PSD3: variants seen among roughly 807,000 people sequenced by gnomAD.
PSD3 encodes pleckstrin and Sec7 domain containing 3, also known as PH and SEC7 domain-containing protein 3.
In PSD3, 49 loss-of-function variants were observed where a neutral mutation model predicts 105.5. The ratio of observed to expected loss-of-function variants is 0.46; its 90% CI spans 0.37 to 0.59. The LOEUF is 0.59. Ranked by LOEUF, PSD3 falls within the 20% of genes least tolerant of loss-of-function variation. The pLI is 0.00. For synonymous variants in PSD3, 557 were observed against 457.8 expected (o/e 1.22, Z -2.77); for missense variants, 1,561 against 1,263.8 (o/e 1.24, Z -3.57).
chr8:18,984,778 C>T (rs890047226), intron 1 of PSD3, among the ~76,000 whole-genome samples: 4 of 152,152 alleles, frequency 2.6e-5, no homozygotes, highest in South Asian at 2.1e-4. Flanking sequence ...ATACTTCTGC[C>T]AACCTGACTG....
intron 2 of PSD3, among the ~76,000 whole-genome samples, chr8:18,920,146 T>C (rs1024047034): frequency 6.6e-6 from 1 of 151,550 alleles, no homozygotes; most frequent in Non-Finnish European, 1.5e-5. Flanking sequence ...TACAGGACAA[T>C]CTAATGTGCC....
At chr8:19,038,822 G>A (rs1177470748) in intron 1 of PSD3, among the ~76,000 whole-genome samples, 1 of 152,072 alleles carries the variant, frequency 6.6e-6, no homozygotes, top group Non-Finnish European at 1.5e-5. Context: ...TTAGACACTG[G>A]GCTAAGCAAT....
chr8:18,712,460 T>C (rs1802313892), intron 9 of PSD3, among the ~76,000 whole-genome samples: 2 of 152,000 alleles, frequency 1.3e-5, no homozygotes, highest in East Asian at 1.9e-4. Context: ...CCCACAGAAA[T>C]ATAAACAACC....
At chr8:18,737,892 C>T (rs150823523) in intron 9 of PSD3, among the ~76,000 whole-genome samples, 1 of 152,086 alleles carries the variant, frequency 6.6e-6, no homozygotes, top group Admixed American at 6.5e-5. Flanking sequence ...TGCAAGTATG[C>T]CCTTGCACAG....
intron 1 of PSD3, among the ~76,000 whole-genome samples, chr8:18,962,542 G>A (rs1362224789): frequency 6.6e-6 from 1 of 152,146 alleles, no homozygotes. Flanking sequence ...CAGCTCCAGT[G>A]AAATGCCTTT....
rs147900524 is a variant in PSD3 at position 18,571,566 on chromosome 8, T to C, written c.2784+962A>G. 5.5e-4 allele frequency among the ~76,000 whole-genome samples: 84 copies of C among 152,344 alleles called. 1 individual carries two copies. The highest frequency in any genetic ancestry group is 2.2e-3 in the Admixed American group (34 of 15,294). On this transcript the variant is annotated intron_variant, in intron 14 of 15. Transcript: ENST00000327040. ...TTTTACAATGACTTCCTTATTTATA[T>C]TTGCCACACCTTCAGCAGAGGATCT... is the stretch of plus-strand genomic sequence containing the variant.
intron 9 of PSD3, among the ~76,000 whole-genome samples, chr8:18,669,242 A>G (rs1314180518): frequency 6.6e-6 from 1 of 152,182 alleles, no homozygotes; most frequent in African/African-American, 2.4e-5. Flanking sequence ...ACTTTTTCTG[A>G]TACAGTAGTC....
chr8:18,892,071 G>A (rs17127411), intron 2 of PSD3, among the ~76,000 whole-genome samples: 2,313 of 152,084 alleles, frequency 0.015, 57 homozygotes, highest in East Asian at 0.096. Flanking sequence ...AAGAAGAGCC[G>A]AAGAGAACAA....
rs1004870793 is a variant in PSD3 at position 18,718,886 on chromosome 8, G to C, written c.2172+46563C>G. On this transcript the variant is annotated intron_variant, in intron 9 of 15. Coordinates refer to ENST00000327040, the MANE Select transcript of PSD3 (RefSeq NM_015310.4). Reference sequence around the variant, plus strand: ...CAAAAAGGAGGCAATGGGGAGAGCAGAGTTCAGCACAAAAGCCAAGACAAC... The same window carrying C: ...CAAAAAGGAGGCAATGGGGAGAGCACAGTTCAGCACAAAAGCCAAGACAAC... 5.3e-5 allele frequency among the ~76,000 whole-genome samples: 8 copies of C among 152,122 alleles called. No homozygotes were observed. In the South Asian group the frequency reaches 8.3e-4, roughly 16 times the overall value.
intron 1 of PSD3, among the ~76,000 whole-genome samples, chr8:18,955,330 T>C (rs138867273): frequency 1.3e-5 from 2 of 152,140 alleles, no homozygotes; most frequent in African/African-American, 4.8e-5. Flanking sequence ...AGCCTTGAAC[T>C]CCAGGACTCA....
chr8:18,619,340 G>C (rs1805939896), intron 11 of PSD3, among the ~76,000 whole-genome samples: 1 of 152,102 alleles, frequency 6.6e-6, no homozygotes, highest in Admixed American at 6.5e-5. Flanking sequence ...TAAGATACCA[G>C]ATTATAAACA....
intron 2 of PSD3, among the ~76,000 whole-genome samples, chr8:18,908,677 C>T (rs904644405): frequency 6.6e-6 from 1 of 152,166 alleles, no homozygotes; most frequent in South Asian, 2.1e-4. Context: ...TCATGAGATT[C>T]GTACCAATCA....
At chr8:18,582,814 A>ATTTTTT (rs1563345708) in intron 12 of PSD3, among the ~76,000 whole-genome samples, 1 of 76,930 alleles carries the variant, frequency 1.3e-5, no homozygotes, top group Non-Finnish European at 2.4e-5. Flanking sequence ...AGCCACACTG[A>ATTTTTT]TCTTTTTTTT....
At chr8:19,043,863 T>C (rs1828219962) in intron 1 of PSD3, among the ~76,000 whole-genome samples, 1 of 152,220 alleles carries the variant, frequency 6.6e-6, no homozygotes, top group African/African-American at 2.4e-5. Flanking sequence ...ACCTAGTCTG[T>C]GGTATTTTGT....
chr8:18,952,448 C>A (rs1823300603), intron 1 of PSD3, among the ~76,000 whole-genome samples: 1 of 152,272 alleles, frequency 6.6e-6, no homozygotes, highest in South Asian at 2.1e-4. Context: ...AGTCAGAGAT[C>A]ACCTATACAT....
At chr8:18,781,286 CAGT>C (rs2129445270) in intron 8 of PSD3, among the ~76,000 whole-genome samples, 1 of 152,326 alleles carries the variant, frequency 6.6e-6, no homozygotes, top group Non-Finnish European at 1.5e-5. Context: ...TGCCCTTAAG[CAGT>C]TATCCTACAC....
rs1298897380 is a variant in PSD3, at chr8:18,532,570, A to T, written c.*3173T>A. Reference sequence around the variant, plus strand: ...CATTTCCATCAGAGGACTCTCTCCCATCATGGTTTTGCTGAGATTAATTAA... The same window carrying T: ...CATTTCCATCAGAGGACTCTCTCCCTTCATGGTTTTGCTGAGATTAATTAA... On this transcript the variant is annotated 3_prime_UTR_variant, in exon 16 of 16. Transcript: ENST00000327040. 1 of 152,234 alleles carries T rather than the reference A, an allele frequency of 6.6e-6. No individual in the cohort carries two copies. The highest frequency in any genetic ancestry group is 2.4e-5 in the African/African-American group (1 of 41,460). 9.4% of individuals were successfully genotyped at this position (152,234 alleles called of 1,614,324 possible). A position where few individuals can be genotyped will look rare whatever the true frequency, so the allele number is the denominator to read the frequency against.
chr8:18,673,417 TG>T (rs1799899417), intron 9 of PSD3, among the ~76,000 whole-genome samples: 1 of 152,204 alleles, frequency 6.6e-6, no homozygotes, highest in Non-Finnish European at 1.5e-5. Context: ...CATCTTATTT[TG>T]TTGTTGTTTA....
At chr8:18,916,894 A>T (rs960514991) in intron 2 of PSD3, among the ~76,000 whole-genome samples, 1 of 152,140 alleles carries the variant, frequency 6.6e-6, no homozygotes, top group Admixed American at 6.5e-5. Context: ...AATGAAAAAA[A>T]AGGAAATAAG....
Sources: allele counts gnomAD v4.1 joint callset (sites outside exome capture counted in the v4.1 genomes callset), GRCh38; gene constraint gnomAD v4.1.1; transcripts MANE v1.5; gene names NCBI Gene and HGNC (gene_info 2026-07-23, HGNC 2026-07-21).